GBP2: variants seen among roughly 807,000 people sequenced by gnomAD.
GBP2 encodes the protein guanylate binding protein 2.
In GBP2, 54 loss-of-function variants were observed where a neutral mutation model predicts 60.8. The ratio of observed to expected loss-of-function variants is 0.89; its 90% CI spans 0.71 to 1.11. GBP2 has a LOEUF of 1.11. Among genes scored for constraint, GBP2 ranks in the 50% most tolerant of loss-of-function variants. GBP2 has a pLI of 0.00. For synonymous variants in GBP2, 243 were observed against 256.5 expected (o/e 0.95, Z 0.50); for missense variants, 665 against 703.3 (o/e 0.95, Z 0.62).
intron 10 of GBP2, 25 bp from the exon 11 acceptor site, chr1:89,108,316 C>A: frequency 1.4e-6 from 2 of 1,426,430 alleles, no homozygotes; most frequent in Non-Finnish European, 2.0e-6. Flanking sequence ...GGAGACTAAG[C>A]CTATCCAGCT....
chr1:89,121,755 G>C, intron 2 of GBP2, 22 bp downstream of exon 2: 1 of 1,611,436 alleles, frequency 6.2e-7, no homozygotes, highest in South Asian at 1.1e-5. Context: ...AAGGGGCTTA[G>C]AGCTTTGCTG....
At chr1:89,119,846 A>C (rs1262857993) in intron 4 of GBP2, 1 of 232,514 alleles carries the variant, frequency 4.3e-6, no homozygotes. Flanking sequence ...TTTAGAAGGC[A>C]ACACTTAGAG....
Position 89,108,062 on chromosome 1 carries a change from C to A in GBP2, c.*113G>T. 1.5e-6 allele frequency: 1 copy of A among 660,206 alleles called. No individual in the cohort carries two copies. Among genetic ancestry groups the A allele is most frequent in the Non-Finnish European group, 2.7e-6 (1 of 372,496 alleles). The allele number at this position is 660,206 out of a possible 1,614,324, so 40.9% of individuals were successfully genotyped here. On this transcript the variant is annotated 3_prime_UTR_variant, in exon 11 of 11. Transcript: ENST00000370466. ...CTTTATGGTTCAACAAAAATGCATGCATCATGATTTTGAGTTAAGTTTAAT... is the reference window on the plus strand; with the variant it reads ...CTTTATGGTTCAACAAAAATGCATGAATCATGATTTTGAGTTAAGTTTAAT...
At position 89,107,945 on chromosome 1, in the gene GBP2, G is replaced by C. The variant is rs1389308854; in HGVS notation, c.*230C>G. 2.0e-5 allele frequency: 7 copies of C among 355,264 alleles called. No individual in the cohort carries two copies. Among genetic ancestry groups the C allele is most frequent in the Non-Finnish European group, 3.6e-5 (7 of 194,816 alleles). 22.0% of individuals were successfully genotyped at this position (355,264 alleles called of 1,614,324 possible). On this transcript the variant is annotated 3_prime_UTR_variant, in exon 11 of 11. Coordinates refer to ENST00000370466, the MANE Select transcript of GBP2 (RefSeq NM_004120.5). ...ATTTCAAATATAGGATTTAGTTAAA[G>C]ATCATATTAAAAGTTAGTACTATAA...
At chr1:89,125,667 C>T (rs1681503542) in intron 1 of GBP2, among the ~76,000 whole-genome samples, 196 bp downstream of exon 1, 1 of 152,130 alleles carries the variant, frequency 6.6e-6, no homozygotes, top group Non-Finnish European at 1.5e-5. Flanking sequence ...GAAACATTCC[C>T]ATCTCTCTAT....
At chr1:89,112,393 C>G in intron 8 of GBP2, 79 bp downstream of exon 8, 1 of 1,195,082 alleles carries the variant, frequency 8.4e-7, no homozygotes, top group Non-Finnish European at 1.2e-6. Context: ...AGTTGCAGTG[C>G]CATTTACCTT....
rs142567865 is a variant in GBP2 at position 89,117,746 on chromosome 1, G to A, written c.456C>T (p.Ile152=). 5.6e-6 allele frequency: 9 copies of A among 1,613,342 alleles called. No individual in the cohort carries two copies. The African/African-American group carries it at 1.2e-4, about 22-fold the overall frequency. Reference sequence around the variant, plus strand: ...TGTTACCAGGTGAGGAGTTTGCCTTGATTCGATCTGTCAGCTCTGTCACAT... The same window carrying A: ...TGTTACCAGGTGAGGAGTTTGCCTTAATTCGATCTGTCAGCTCTGTCACAT... ...LHYVTELTDR[I]KANSSPGNNS... The change falls in exon 5 of 11, where the codon ATC becomes ATT. Residue 152 remains isoleucine (I), a synonymous_variant. Transcript: ENST00000370466.
chr1:89,121,684 C>T, intron 2 of GBP2, 93 bp downstream of exon 2: 1 of 1,348,700 alleles, frequency 7.4e-7, no homozygotes, highest in African/African-American at 1.5e-5. Context: ...TTTCAACATT[C>T]ATTCTCATCT....
intron 9 of GBP2, 87 bp downstream of exon 9, chr1:89,110,077 T>C: frequency 9.7e-7 from 1 of 1,036,148 alleles, no homozygotes. Context: ...ATTCTTTCTC[T>C]ACAATAATAA....
In GBP2 at chr1:89,117,093, A is replaced by G; in HGVS notation, c.767T>C (p.Leu256Pro). 1.2e-6 allele frequency: 2 copies of G among 1,614,170 alleles called. No individual in the cohort carries two copies. Among genetic ancestry groups the G allele is most frequent in the Non-Finnish European group, 8.5e-7 (1 of 1,180,016 alleles). ...AHLEQLKEEE[L>P]NPDFIEQVAE... is the part of the protein sequence containing the mutation. ...AACTTGTTCTATGAAATCAGGGTTC[A>G]GCTCTTCCTCCTTTAGCTGCTCTAG... The change falls in exon 6 of 11, where the codon CTG (leucine) becomes CCG (proline). Residue 256 changes from leucine to proline, a missense_variant. Transcript: ENST00000370466.
chr1:89,111,878 G>T (rs1681173509), intron 8 of GBP2, among the ~76,000 whole-genome samples: 2 of 151,990 alleles, frequency 1.3e-5, no homozygotes, highest in African/African-American at 2.4e-5. Context: ...TGATTATTGT[G>T]CATTTCATAC....
At chr1:89,116,330 A>T (rs1681272433) in intron 6 of GBP2, among the ~76,000 whole-genome samples, 1 of 152,112 alleles carries the variant, frequency 6.6e-6, no homozygotes, top group Non-Finnish European at 1.5e-5. Flanking sequence ...ATCATTTTTA[A>T]GTTCTCATCT....
At chr1:89,110,355 A>G (rs1681138432) in intron 8 of GBP2, 89 bp from the exon 9 acceptor site, 1 of 921,502 alleles carries the variant, frequency 1.1e-6, no homozygotes, top group Non-Finnish European at 1.7e-6. Context: ...CCAGAGGAAA[A>G]TAAGTCATTA....
Position 89,114,014 on chromosome 1 carries a change from AC to A in GBP2, c.1149+1del, listed in dbSNP as rs751892247. 1.2e-6 allele frequency: 2 copies of A among 1,614,128 alleles called. No individual in the cohort carries two copies. Among genetic ancestry groups the A allele is most frequent in the Admixed American group, 1.7e-5 (1 of 60,028 alleles). The stretch of plus-strand genomic sequence containing the variant: ...TCTCATGACGTAGAACACCAAATAT[AC>A]CCCTAATTTCCTCTGGAACATTTGG... On this transcript the variant is annotated splice_donor_variant, in intron 7 of 10. Coordinates refer to ENST00000370466, the MANE Select transcript of GBP2 (RefSeq NM_004120.5). LOFTEE classifies it high-confidence loss of function.
chr1:89,124,801 A>AT (rs1681486775), intron 1 of GBP2, among the ~76,000 whole-genome samples: 1 of 152,166 alleles, frequency 6.6e-6, no homozygotes, highest in Non-Finnish European at 1.5e-5. Context: ...AAATCTGCTG[A>AT]TTTTTTACTC....
chr1:89,125,893 A>T lies in GBP2; in HGVS notation c.-48T>A, dbSNP rs1044752986. ...TCAGAGATCCTTTAGCACTGGAAAG[A>T]AGGTTGTTCCAATGTGAAAGTCGAG... On this transcript the variant is annotated 5_prime_UTR_variant, in exon 1 of 11. Coordinates refer to ENST00000370466, the MANE Select transcript of GBP2 (RefSeq NM_004120.5). 1.3e-5 allele frequency: 2 copies of T among 152,240 alleles called. No homozygotes were observed. The highest frequency in any genetic ancestry group is 4.8e-5 in the African/African-American group (2 of 41,456). The allele number at this position is 152,240 out of a possible 1,614,324, so 9.4% of individuals were successfully genotyped here.
rs1370054081 is a variant in GBP2 at position 89,125,877 on chromosome 1, C to T, written c.-32G>A. The T allele has an allele frequency of 1.3e-5, 2 of 152,216 alleles. No homozygotes were observed. Among genetic ancestry groups the T allele is most frequent in the Non-Finnish European group, 2.9e-5 (2 of 68,058 alleles). 9.4% of individuals were successfully genotyped at this position (152,216 alleles called of 1,614,324 possible). On this transcript the variant is annotated 5_prime_UTR_variant, in exon 1 of 11. Coordinates refer to ENST00000370466, the MANE Select transcript of GBP2 (RefSeq NM_004120.5). ...CCCAGTCTTACCCAGATCAGAGATCCTTTAGCACTGGAAAGAAGGTTGTTC... is the reference window on the plus strand; with the variant it reads ...CCCAGTCTTACCCAGATCAGAGATCTTTTAGCACTGGAAAGAAGGTTGTTC...
chr1:89,116,610 G>A (rs1165256865), intron 6 of GBP2, among the ~76,000 whole-genome samples: 1 of 151,944 alleles, frequency 6.6e-6, no homozygotes, highest in Non-Finnish European at 1.5e-5. Context: ...TTTTAGAATT[G>A]CTGAACAAGA....
chr1:89,110,878 T>G (rs1301791986), intron 8 of GBP2, among the ~76,000 whole-genome samples: 1 of 152,074 alleles, frequency 6.6e-6, no homozygotes, highest in Non-Finnish European at 1.5e-5. Context: ...CTACAATATC[T>G]CTAATGAAAA....
Sources: allele counts gnomAD v4.1 joint callset (sites outside exome capture counted in the v4.1 genomes callset), GRCh38; gene constraint gnomAD v4.1.1; transcripts MANE v1.5; gene names NCBI Gene and HGNC (gene_info 2026-07-23, HGNC 2026-07-21).